LRRC7: variants seen among roughly 807,000 people sequenced by gnomAD.
LRRC7 encodes leucine rich repeat containing 7, also known as leucine-rich repeat-containing protein 7.
In LRRC7, 23 loss-of-function variants were observed where a neutral mutation model predicts 175.7. That is an observed-to-expected ratio of 0.13 (90% CI 0.09 to 0.19). LRRC7 has a LOEUF of 0.19. LRRC7 is among the 10% of genes least tolerant of loss of function. LRRC7 has a pLI of 1.00. For missense variants in LRRC7, 1,354 were observed against 1,904.7 expected, an observed-to-expected ratio of 0.71 and a Z score of 5.38; for synonymous variants, 685 against 680.9, an observed-to-expected ratio of 1.01 and a Z score of -0.09.
chr1:69,848,723 G>A (rs200396446), intron 7 of LRRC7, among the ~76,000 whole-genome samples: 8 of 151,888 alleles, frequency 5.3e-5, no homozygotes, highest in Non-Finnish European at 1.0e-4. Flanking sequence ...TAAAAAGCTC[G>A]CTTTTCTGTC....
At chr1:69,646,895 A>C (rs1655076977) in intron 1 of LRRC7, among the ~76,000 whole-genome samples, 1 of 152,132 alleles carries the variant, frequency 6.6e-6, no homozygotes, top group South Asian at 2.1e-4. Context: ...ATTCAGATTG[A>C]GTACCCTGCA....
chr1:69,872,312 AACTT>A (rs1685634032), intron 7 of LRRC7, among the ~76,000 whole-genome samples: 1 of 152,054 alleles, frequency 6.6e-6, no homozygotes, highest in African/African-American at 2.4e-5. Flanking sequence ...AATGGGGAGA[AACTT>A]AAAGTAGAGT....
rs374484036 is a variant in LRRC7 at position 70,089,714 on chromosome 1, C to G, written c.4453-13C>G. On this transcript the variant is annotated splice_polypyrimidine_tract_variant and intron_variant, in intron 24 of 26. Transcript: ENST00000651989. ...TAACTGTTTACTTACCATTTTATAT[C>G]TTTTTTACATAGTTTTGTGTGAGAA... is the stretch of plus-strand genomic sequence containing the variant. 2 of 1,549,540 alleles carry G rather than the reference C, an allele frequency of 1.3e-6. No individual in the cohort carries two copies. Among genetic ancestry groups the G allele is most frequent in the South Asian group, 1.2e-5 (1 of 85,992 alleles).
intron 7 of LRRC7, among the ~76,000 whole-genome samples, chr1:69,914,966 T>G (rs199899181): frequency 6.6e-6 from 1 of 152,144 alleles, no homozygotes; most frequent in East Asian, 1.9e-4. Context: ...ATAAAAACAT[T>G]CATATTTAAA....
intron 1 of LRRC7, among the ~76,000 whole-genome samples, chr1:69,643,611 C>T (rs1023395407): frequency 6.6e-6 from 1 of 152,080 alleles, no homozygotes; most frequent in Non-Finnish European, 1.5e-5. Context: ...AAGTTTTGCT[C>T]CTTGCTAGGT....
chr1:69,590,204 AG>A (rs1569754878), intron 1 of LRRC7, among the ~76,000 whole-genome samples: 1 of 152,196 alleles, frequency 6.6e-6, no homozygotes. Context: ...CCCAAAATAT[AG>A]GTAACAAATT....
At chr1:69,724,531 A>G (rs1050484692) in intron 2 of LRRC7, among the ~76,000 whole-genome samples, 1 of 152,240 alleles carries the variant, frequency 6.6e-6, no homozygotes, top group South Asian at 2.1e-4. Context: ...AATTGGACAA[A>G]TTTATTTTTG....
At chr1:69,576,533 T>G (rs1645957184) in intron 1 of LRRC7, among the ~76,000 whole-genome samples, 1 of 152,148 alleles carries the variant, frequency 6.6e-6, no homozygotes, top group South Asian at 2.1e-4. Flanking sequence ...TTGTAAACAA[T>G]GAAATGTAGA....
chr1:70,008,012 T>A (rs975388004), intron 11 of LRRC7, among the ~76,000 whole-genome samples: 4 of 151,992 alleles, frequency 2.6e-5, no homozygotes, highest in Admixed American at 2.0e-4. Context: ...GGAATAGAAC[T>A]AATCAGAGAT....
rs566232617 is a variant in LRRC7, at chr1:69,661,341, A to T, written c.3-17040A>T. 1.7e-3 allele frequency among the ~76,000 whole-genome samples: 266 copies of T among 152,282 alleles called. 1 individual carries two copies. Among genetic ancestry groups the T allele is most frequent in the African/African-American group, 6.1e-3 (254 of 41,562 alleles). On this transcript the variant is annotated intron_variant, in intron 1 of 26. Transcript: ENST00000651989. ...TTCTTCTTTCCCTAGTAAAAGATAC[A>T]GCATATTCCATTTTCTCATCTCAGT...
chr1:69,820,013 A>C (rs1679088111), intron 4 of LRRC7, among the ~76,000 whole-genome samples: 1 of 152,052 alleles, frequency 6.6e-6, no homozygotes, highest in Non-Finnish European at 1.5e-5. Context: ...TAGATTATTT[A>C]GCCTATTTAC....
chr1:69,713,707 C>A (rs1665036875), intron 2 of LRRC7, among the ~76,000 whole-genome samples: 5 of 150,874 alleles, frequency 3.3e-5, no homozygotes. Context: ...TTCAGCTAAA[C>A]CTTAGTTACT....
At chr1:70,068,638 A>T (rs546031509) in intron 23 of LRRC7, among the ~76,000 whole-genome samples, 2 of 151,718 alleles carry the variant, frequency 1.3e-5, no homozygotes, top group Admixed American at 1.3e-4. Flanking sequence ...TTTTGGTATC[A>T]GGGTAATATT....
chr1:69,639,276 T>TTTGTA (rs1279655910), intron 1 of LRRC7, among the ~76,000 whole-genome samples: 1 of 151,776 alleles, frequency 6.6e-6, no homozygotes, highest in Admixed American at 6.6e-5. Context: ...AAATGGTGTT[T>TTTGTA]TTGTATTGTA....
chr1:69,906,016 G>A (rs1246980763), intron 7 of LRRC7, among the ~76,000 whole-genome samples: 7 of 152,224 alleles, frequency 4.6e-5, no homozygotes, highest in African/African-American at 9.6e-5. Context: ...CAGTGATGGC[G>A]AGCATTTGTT....
At chr1:69,781,964 GAA>G (rs1381722127) in intron 3 of LRRC7, among the ~76,000 whole-genome samples, 2 of 148,426 alleles carry the variant, frequency 1.3e-5, no homozygotes, top group Non-Finnish European at 3.0e-5. Flanking sequence ...AAGAAAGAAA[GAA>G]AAAGAAAGAA....
Position 69,736,510 on chromosome 1 carries a change from A to T in LRRC7, c.101-23681A>T, listed in dbSNP as rs982592180. Among the ~76,000 whole-genome samples, 5 of 152,296 alleles carry T rather than the reference A, an allele frequency of 3.3e-5. No homozygotes were observed. The East Asian group carries it at 7.7e-4, about 24-fold the overall frequency. ...AAAAGCAGGTTTTCAAAAATAATTT[A>T]TCAGTGTTTGGGAATAAGTTAGGTA... On this transcript the variant is annotated intron_variant, in intron 2 of 26. Transcript: ENST00000651989.
At chr1:70,005,488 A>G (rs1655921614) in intron 11 of LRRC7, among the ~76,000 whole-genome samples, 2 of 152,186 alleles carry the variant, frequency 1.3e-5, no homozygotes, top group African/African-American at 2.4e-5. Flanking sequence ...ATATTTTCCT[A>G]TCCAAGAGCA....
At chr1:69,718,128 A>AGAAAAGAGAGAGAG (rs1553146102) in intron 2 of LRRC7, among the ~76,000 whole-genome samples, 3 of 67,798 alleles carry the variant, frequency 4.4e-5, no homozygotes, top group Admixed American at 3.0e-4. Context: ...AAAGAAAGAA[A>AGAAAAGAGAGAGAG]AGAAAGAAAG....
Sources: gnomAD v4.1 joint callset for allele counts (sites outside exome capture counted in the v4.1 genomes callset) on GRCh38, gnomAD v4.1.1 for gene constraint, MANE v1.5 for transcripts, NCBI Gene and HGNC (gene_info 2026-07-23, HGNC 2026-07-21) for gene names.